DCDC2: variants seen among roughly 807,000 people sequenced by gnomAD.
The protein encoded by DCDC2 is doublecortin domain-containing protein 2.
A neutral mutation model predicts 50.2 loss-of-function variants in DCDC2; 40 were observed. The observed-to-expected ratio is 0.80, with a 90% CI of 0.62 to 1.04. The LOEUF (loss-of-function observed/expected upper bound fraction) is 1.04. Among genes scored for constraint, DCDC2 ranks in the 50% least tolerant of loss-of-function variants. The pLI is 0.00. For missense variants in DCDC2, 570 were observed against 581.9 expected, an observed-to-expected ratio of 0.98 and a Z score of 0.21; for synonymous variants, 234 against 210.6, an observed-to-expected ratio of 1.11 and a Z score of -0.96.
In DCDC2 at chr6:24,342,461, C is replaced by G. The variant is rs529194555; in HGVS notation, c.348+11108G>C. 6.6e-5 allele frequency among the ~76,000 whole-genome samples: 10 copies of G among 152,334 alleles called. No homozygotes were observed. In the East Asian group the frequency reaches 1.9e-3, roughly 29 times the overall value. On this transcript the variant is annotated intron_variant, in intron 2 of 9. Transcript: ENST00000378454. ...GGCAGTCTTCTTGCACCAGCCACTTCTCCGTGGAGTGTGGCAGCTGGGCAG... is the reference window on the plus strand; with the variant it reads ...GGCAGTCTTCTTGCACCAGCCACTTGTCCGTGGAGTGTGGCAGCTGGGCAG...
intron 7 of DCDC2, among the ~76,000 whole-genome samples, chr6:24,251,471 A>C (rs185370747): frequency 6.6e-6 from 1 of 151,898 alleles, no homozygotes; most frequent in East Asian, 1.9e-4. Flanking sequence ...TTCCTCACAA[A>C]CCTCCTGAAA....
At chr6:24,212,387 G>A (rs1761892438) in intron 7 of DCDC2, among the ~76,000 whole-genome samples, 1 of 152,048 alleles carries the variant, frequency 6.6e-6, no homozygotes, top group African/African-American at 2.4e-5. Context: ...AAAAGACAGT[G>A]GTCAGAAAAC....
At chr6:24,189,351 G>C (rs1670072905) in intron 8 of DCDC2, among the ~76,000 whole-genome samples, 1 of 152,122 alleles carries the variant, frequency 6.6e-6, no homozygotes, top group Non-Finnish European at 1.5e-5. Context: ...AAAGAAGATG[G>C]AATATGAAAA....
At chr6:24,323,688 A>C (rs2113853405) in intron 2 of DCDC2, among the ~76,000 whole-genome samples, 1 of 152,342 alleles carries the variant, frequency 6.6e-6, no homozygotes, top group South Asian at 2.1e-4. Flanking sequence ...CCCAATAATC[A>C]AGCACAAGTA....
intron 4 of DCDC2, among the ~76,000 whole-genome samples, chr6:24,300,074 T>C (rs941198434): frequency 1.3e-5 from 2 of 152,030 alleles, no homozygotes; most frequent in Non-Finnish European, 2.9e-5. Context: ...TTTATACATA[T>C]GTATGCATTT....
intron 2 of DCDC2, among the ~76,000 whole-genome samples, chr6:24,344,718 A>ATCCATACC (rs1760224305): frequency 6.6e-6 from 1 of 152,236 alleles, no homozygotes; most frequent in Non-Finnish European, 1.5e-5. Flanking sequence ...GCATCCATAC[A>ATCCATACC]CATCCATACA....
At chr6:24,258,289 C>T (rs147584431) in intron 7 of DCDC2, among the ~76,000 whole-genome samples, 189 of 152,220 alleles carry the variant, frequency 1.2e-3, no homozygotes, top group Non-Finnish European at 2.1e-3. Flanking sequence ...GGGTGGCCAG[C>T]TTTTATTCCC....
chr6:24,306,765 A>G (rs988493366), intron 2 of DCDC2, among the ~76,000 whole-genome samples: 1 of 152,196 alleles, frequency 6.6e-6, no homozygotes, highest in Non-Finnish European at 1.5e-5. Flanking sequence ...ATGACCATAC[A>G]AAAATAAAAT....
At chr6:24,225,964 A>AT (rs1762225706) in intron 7 of DCDC2, among the ~76,000 whole-genome samples, 1 of 152,206 alleles carries the variant, frequency 6.6e-6, no homozygotes, top group African/African-American at 2.4e-5. Flanking sequence ...TACATCTAAT[A>AT]TTTTAGCCTA....
intron 9 of DCDC2, among the ~76,000 whole-genome samples, chr6:24,175,191 A>T (rs1760875768): frequency 6.6e-6 from 1 of 152,184 alleles, no homozygotes; most frequent in Non-Finnish European, 1.5e-5. Flanking sequence ...GGAAGAAAAA[A>T]TTCAGGGACA....
intron 7 of DCDC2, among the ~76,000 whole-genome samples, chr6:24,241,323 G>A (rs1345822634): frequency 1.3e-5 from 2 of 152,116 alleles, no homozygotes; most frequent in Non-Finnish European, 2.9e-5. Context: ...GAGCCTCCAG[G>A]AGCACAGGAC....
At chr6:24,371,182 C>T in the DCDC2 span, among the ~76,000 whole-genome samples, 6 of 144,488 alleles carry the variant, frequency 4.2e-5, no homozygotes, top group African/African-American at 7.6e-5. Context: ...GAGGCTGAGG[C>T]GGGAGAATCG....
At chr6:24,315,696 A>G (rs1759648102) in intron 2 of DCDC2, among the ~76,000 whole-genome samples, 1 of 152,188 alleles carries the variant, frequency 6.6e-6, no homozygotes, top group African/African-American at 2.4e-5. Context: ...GCTGGAGTGC[A>G]GTAGGGAGAA....
At chr6:24,335,409 G>A (rs1213730880) in intron 2 of DCDC2, among the ~76,000 whole-genome samples, 1 of 152,130 alleles carries the variant, frequency 6.6e-6, no homozygotes, top group Non-Finnish European at 1.5e-5. Flanking sequence ...GTGGTTATTC[G>A]ACCATCAAAG....
intron 2 of DCDC2, among the ~76,000 whole-genome samples, chr6:24,324,267 T>C (rs1241229428): frequency 6.6e-6 from 1 of 152,168 alleles, no homozygotes. Flanking sequence ...AAACTGTCAA[T>C]GGCCCCAGTG....
chr6:24,174,549 T>C lies in DCDC2; in HGVS notation c.*181A>G, dbSNP rs1361887443. The C allele has an allele frequency of 8.9e-6, 4 of 451,388 alleles. No individual in the cohort carries two copies. The highest frequency in any genetic ancestry group is 2.0e-5 in the African/African-American group (1 of 50,622). 28.0% of individuals were successfully genotyped at this position (451,388 alleles called of 1,614,324 possible). On this transcript the variant is annotated 3_prime_UTR_variant, in exon 10 of 10. Transcript: ENST00000378454. ...AAACACATGCAATAAAAGTAAGTAA[T>C]TATCCTTTAGTAGCCATTTAAAGTT...
chr6:24,198,820 G>C (rs1010027688), intron 8 of DCDC2, among the ~76,000 whole-genome samples: 4 of 152,148 alleles, frequency 2.6e-5, no homozygotes, highest in Admixed American at 1.3e-4. Flanking sequence ...AAGCTTGGTG[G>C]GGGGAGGGAT....
At chr6:24,314,298 C>T (rs1464052679) in intron 2 of DCDC2, among the ~76,000 whole-genome samples, 2 of 152,172 alleles carry the variant, frequency 1.3e-5, no homozygotes, top group Non-Finnish European at 1.5e-5. Context: ...CATAGTGAGA[C>T]CTTGTTTCTA....
intron 7 of DCDC2, among the ~76,000 whole-genome samples, chr6:24,219,537 C>T (rs1363578518): frequency 2.6e-5 from 4 of 152,176 alleles, no homozygotes; most frequent in African/African-American, 9.7e-5. Flanking sequence ...TAGATGGTAA[C>T]ATCAGTTTAA....
Sources: allele counts gnomAD v4.1 joint callset (sites outside exome capture counted in the v4.1 genomes callset), GRCh38; gene constraint gnomAD v4.1.1; transcripts MANE v1.5; gene names NCBI Gene and HGNC (gene_info 2026-07-23, HGNC 2026-07-21).